ITGB5: variants seen among roughly 807,000 people sequenced by gnomAD.
ITGB5 encodes the protein integrin subunit beta 5.
In ITGB5, 38 loss-of-function variants were observed where a neutral mutation model predicts 84.8. The observed-to-expected ratio is 0.45, with a 90% CI of 0.35 to 0.59. The LOEUF (loss-of-function observed/expected upper bound fraction) is 0.59, where lower values mean the gene tolerates loss of function less well. Among genes scored for constraint, ITGB5 ranks in the 20% least tolerant of loss-of-function variants. ITGB5 has a pLI of 0.01. For missense variants in ITGB5, 905 were observed against 1,034.5 expected, an observed-to-expected ratio of 0.87 and a Z score of 1.72; for synonymous variants, 393 against 414.4, an observed-to-expected ratio of 0.95 and a Z score of 0.63.
intron 5 of ITGB5, among the ~76,000 whole-genome samples, chr3:124,822,927 C>G (rs529788368): frequency 1.3e-5 from 2 of 151,870 alleles, no homozygotes; most frequent in Non-Finnish European, 2.9e-5. Context: ...CCAGCGCAGA[C>G]GAAACTTAAA....
chr3:124,840,161 T>C (rs1005362766), intron 5 of ITGB5, among the ~76,000 whole-genome samples: 2 of 152,316 alleles, frequency 1.3e-5, no homozygotes, highest in Non-Finnish European at 2.9e-5. Flanking sequence ...TCAGAAACTG[T>C]GTAAGTGAGC....
At chr3:124,895,588 GC>G (rs1330392923) in intron 1 of ITGB5, among the ~76,000 whole-genome samples, 2 of 152,106 alleles carry the variant, frequency 1.3e-5, no homozygotes, top group Non-Finnish European at 2.9e-5. Context: ...CAGTTCAGCA[GC>G]CTTTCAAAAG....
chr3:124,825,243 C>T (rs966854501), intron 5 of ITGB5, among the ~76,000 whole-genome samples: 6 of 151,684 alleles, frequency 4.0e-5, no homozygotes, highest in African/African-American at 1.2e-4. Context: ...CTCATAATTG[C>T]CTAAGAGAAT....
upstream of ITGB5, among the ~76,000 whole-genome samples, chr3:124,891,916 C>CAA (rs969454098): frequency 7.4e-6 from 1 of 135,972 alleles, no homozygotes; most frequent in Non-Finnish European, 1.6e-5. Flanking sequence ...GGCCCTGTCT[C>CAA]AAAAAAAAAT....
At chr3:124,826,933 C>G (rs1186097085) in intron 5 of ITGB5, among the ~76,000 whole-genome samples, 4 of 152,198 alleles carry the variant, frequency 2.6e-5, no homozygotes, top group African/African-American at 9.7e-5. Flanking sequence ...GTTCATCACC[C>G]AGGCTTTCAG....
intron 8 of ITGB5, among the ~76,000 whole-genome samples, chr3:124,816,777 T>A (rs1365585895): frequency 6.6e-6 from 1 of 152,138 alleles, no homozygotes; most frequent in Non-Finnish European, 1.5e-5. Context: ...TGAAAGTGAT[T>A]CCTAAACCAC....
intron 9 of ITGB5, among the ~76,000 whole-genome samples, chr3:124,799,940 C>G (rs1021084649): frequency 2.2e-4 from 34 of 152,132 alleles, no homozygotes; most frequent in African/African-American, 8.2e-4. Context: ...GGGCTGGGAA[C>G]GATTTGAGCC....
intron 6 of ITGB5, among the ~76,000 whole-genome samples, 158 bp from the exon 7 acceptor site, chr3:124,819,992 C>T (rs1208278920): frequency 6.6e-6 from 1 of 152,150 alleles, no homozygotes; most frequent in Non-Finnish European, 1.5e-5. Flanking sequence ...TTCTTGGTAG[C>T]TCCTGAACTA....
chr3:124,796,765 T>C lies in ITGB5; in HGVS notation c.1316A>G (p.Glu439Gly), dbSNP rs1356936147. The change falls in exon 10 of 15, where the codon GAG becomes GGG. Residue 439 changes from glutamate to glycine, a missense_variant. Coordinates refer to ENST00000296181, the MANE Select transcript of ITGB5 (RefSeq NM_002213.5). ...EARSCPSRHT[E>G]HVFALRPVGF... ...CACCGGCCGCAGGGCAAACACATGCTCCGTGTGTCTGCTGGGACAGCTTCG... is the reference window on the plus strand; with the variant it reads ...CACCGGCCGCAGGGCAAACACATGCCCCGTGTGTCTGCTGGGACAGCTTCG... 7 of 1,613,492 alleles carry C rather than the reference T, an allele frequency of 4.3e-6. No homozygotes were observed.
chr3:124,816,656 A>G (rs2064600531), intron 8 of ITGB5, among the ~76,000 whole-genome samples: 1 of 152,118 alleles, frequency 6.6e-6, no homozygotes, highest in South Asian at 2.1e-4. Context: ...CGTTTGCCTG[A>G]CAGAAGGTAG....
At chr3:124,848,271 C>A in intron 4 of ITGB5, 38 bp downstream of exon 4, 1 of 1,600,678 alleles carries the variant, frequency 6.2e-7, no homozygotes, top group South Asian at 1.1e-5. Flanking sequence ...CATTCTCCCA[C>A]CCTTAAGTAC....
chr3:124,887,042 C>CGCGGGGG lies in ITGB5; in HGVS notation c.-49_-43dup, dbSNP rs1290953230. On this transcript the variant is annotated 5_prime_UTR_variant, in exon 1 of 15. It removes the in-frame stop codon of an upstream open reading frame in the 5' UTR. Coordinates refer to ENST00000296181, the MANE Select transcript of ITGB5 (RefSeq NM_002213.5). ...CAGCGGCGGCGCGGTCGCTGCACTCCGCGGGGGCCGGCGGCCGGGGCTGGG... is the reference window on the plus strand; with the variant it reads ...CAGCGGCGGCGCGGTCGCTGCACTCCGCGGGGGGCGGGGGCCGGCGGCCGGGGCTGGG... 1 of 1,001,464 alleles carries CGCGGGGG rather than the reference C, an allele frequency of 1.0e-6. No homozygotes were observed. Among genetic ancestry groups the CGCGGGGG allele is most frequent in the Non-Finnish European group, 1.2e-6 (1 of 823,904 alleles). The allele number at this position is 1,001,464 out of a possible 1,614,324, so 62.0% of individuals were successfully genotyped here.
intron 4 of ITGB5, among the ~76,000 whole-genome samples, chr3:124,847,055 T>G (rs1269570037): frequency 6.6e-6 from 1 of 152,262 alleles, no homozygotes; most frequent in Non-Finnish European, 1.5e-5. Context: ...TTTCTGCATC[T>G]CTAAAATCTG....
At chr3:124,867,752 T>C (rs539945139) in intron 2 of ITGB5, among the ~76,000 whole-genome samples, 26 of 152,324 alleles carry the variant, frequency 1.7e-4, no homozygotes, top group Non-Finnish European at 5.9e-5. Context: ...TCCAGGCACA[T>C]TCCTCATGAC....
chr3:124,763,439 C>A lies in ITGB5; in HGVS notation c.*184G>T, dbSNP rs2063721118. 1 of 491,978 alleles carries A rather than the reference C, an allele frequency of 2.0e-6. No homozygotes were observed. Among genetic ancestry groups the A allele is most frequent in the Non-Finnish European group, 3.7e-6 (1 of 273,294 alleles). 30.5% of individuals were successfully genotyped at this position (491,978 alleles called of 1,614,324 possible). A position where few individuals can be genotyped will look rare whatever the true frequency, so the allele number is the denominator to read the frequency against. On this transcript the variant is annotated 3_prime_UTR_variant, in exon 15 of 15. Coordinates refer to ENST00000296181, the MANE Select transcript of ITGB5 (RefSeq NM_002213.5). ...GCAGCCTGGCATGGCTCTGGCCTAG[C>A]AGCCAGGTGACATGGCCAGGCACCT...
chr3:124,867,731 G>C (rs2065413992), intron 2 of ITGB5, among the ~76,000 whole-genome samples: 1 of 152,178 alleles, frequency 6.6e-6, no homozygotes, highest in Non-Finnish European at 1.5e-5. Flanking sequence ...GAAAGCATCC[G>C]CACACTCTCC....
chr3:124,887,855 G>C (rs189983633), upstream of ITGB5: 859 of 285,266 alleles, frequency 3.0e-3, 2 homozygotes, highest in African/African-American at 0.019. Context: ...GCGACTTCTG[G>C]ATGAGCAAGG....
At chr3:124,895,929 G>C (rs1209157039) in intron 1 of ITGB5, among the ~76,000 whole-genome samples, 3 of 152,206 alleles carry the variant, frequency 2.0e-5, no homozygotes, top group Non-Finnish European at 4.4e-5. Context: ...TTGCTCATCT[G>C]GAAAGTGAAG....
chr3:124,814,643 G>A (rs998986061), intron 8 of ITGB5, among the ~76,000 whole-genome samples: 1 of 151,880 alleles, frequency 6.6e-6, no homozygotes, highest in Admixed American at 6.6e-5. Context: ...TTTTGGTCTC[G>A]CTATGTTGAC....
Sources: allele counts gnomAD v4.1 joint callset (sites outside exome capture counted in the v4.1 genomes callset), GRCh38; gene constraint gnomAD v4.1.1; transcripts MANE v1.5; gene names NCBI Gene and HGNC (gene_info 2026-07-23, HGNC 2026-07-21).